Variants in DTNBP1 observed in about 807,000 individuals in gnomAD.
DTNBP1 encodes the protein dystrobrevin binding protein 1.
In DTNBP1, 35 loss-of-function variants were observed where a neutral mutation model predicts 42.8. The ratio of observed to expected loss-of-function variants is 0.82; its 90% CI spans 0.63 to 1.09. The LOEUF is 1.09. DTNBP1 is among the 50% of genes least tolerant of loss of function. DTNBP1 has a pLI of 0.00. For missense variants in DTNBP1, 457 were observed against 424.2 expected (o/e 1.08, Z -0.68); for synonymous variants, 171 against 162.2 (o/e 1.05, Z -0.41).
At chr6:15,534,537 G>A (rs180766194) in intron 7 of DTNBP1, among the ~76,000 whole-genome samples, 49 of 151,776 alleles carry the variant, frequency 3.2e-4, no homozygotes, top group African/African-American at 1.1e-3. Context: ...GCAGTCACCT[G>A]TATTCCCAGC....
chr6:15,569,249 T>C lies in DTNBP1; in HGVS notation c.511+23810A>G, dbSNP rs762839972. ...ATCATTTGCATCCCCACTGTTCCTATAGACAGGATCGCTGACATTAGAATC... is the reference window on the plus strand; with the variant it reads ...ATCATTTGCATCCCCACTGTTCCTACAGACAGGATCGCTGACATTAGAATC... On this transcript the variant is annotated intron_variant, in intron 7 of 9. Transcript: ENST00000344537. Among the ~76,000 whole-genome samples the C allele has an allele frequency of 4.6e-5, 7 of 152,138 alleles. 1 individual carries two copies. The highest frequency in any genetic ancestry group is 4.1e-4 in the South Asian group (2 of 4,830).
At chr6:15,574,692 G>GGGA (rs996974622) in intron 7 of DTNBP1, among the ~76,000 whole-genome samples, 5 of 152,102 alleles carry the variant, frequency 3.3e-5, no homozygotes, top group African/African-American at 9.7e-5. Context: ...ACTTTTGTGG[G>GGGA]GGAGGAGGAG....
chr6:15,524,207 C>G (rs1365012581), intron 9 of DTNBP1: 4 of 1,509,002 alleles, frequency 2.7e-6, no homozygotes, highest in South Asian at 1.2e-5. Flanking sequence ...CCTGCAAACG[C>G]CAGTCCTTAA....
At chr6:15,580,303 T>C (rs1327831181) in intron 7 of DTNBP1, among the ~76,000 whole-genome samples, 1 of 152,226 alleles carries the variant, frequency 6.6e-6, no homozygotes, top group Non-Finnish European at 1.5e-5. Flanking sequence ...GGTGAGGGTC[T>C]ATGAAATAGA....
intron 9 of DTNBP1, chr6:15,523,467 G>T: frequency 3.1e-6 from 4 of 1,288,278 alleles, no homozygotes; most frequent in Non-Finnish European, 4.0e-6. Flanking sequence ...CAGATCAAGT[G>T]CTCCTAAGGC....
chr6:15,628,519 C>T (rs972971632), intron 4 of DTNBP1, among the ~76,000 whole-genome samples: 8 of 150,128 alleles, frequency 5.3e-5, no homozygotes. Context: ...GATTCTCCTG[C>T]CTCAGACTCC....
At chr6:15,530,645 C>A (rs1438854421) in intron 8 of DTNBP1, among the ~76,000 whole-genome samples, 2 of 152,056 alleles carry the variant, frequency 1.3e-5, no homozygotes, top group African/African-American at 2.4e-5. Flanking sequence ...GCCGGCCACG[C>A]GTCTACTACT....
intron 5 of DTNBP1, among the ~76,000 whole-genome samples, chr6:15,626,432 G>A (rs926936326): frequency 3.3e-5 from 5 of 152,160 alleles, no homozygotes; most frequent in African/African-American, 1.2e-4. Flanking sequence ...AATCAGTCAT[G>A]TTTTGCTTTG....
intron 6 of DTNBP1, among the ~76,000 whole-genome samples, chr6:15,613,381 T>G (rs1178854097): frequency 7.3e-6 from 1 of 137,284 alleles, no homozygotes; most frequent in Non-Finnish European, 1.6e-5. Flanking sequence ...TTTTTTTTTT[T>G]TTTGAGACGG....
intron 7 of DTNBP1, chr6:15,546,054 C>A (rs1206582269): frequency 1.4e-5 from 6 of 436,842 alleles, no homozygotes; most frequent in Admixed American, 2.7e-5. Context: ...CGGAAGGTCA[C>A]CTCCAGTTCT....
At chr6:15,552,422 T>C (rs547111686) in intron 7 of DTNBP1, among the ~76,000 whole-genome samples, 7 of 152,264 alleles carry the variant, frequency 4.6e-5, no homozygotes, top group African/African-American at 1.4e-4. Context: ...ACCTATAAGC[T>C]GATATTATTT....
chr6:15,641,270 C>A (rs543877388), intron 3 of DTNBP1, among the ~76,000 whole-genome samples: 1 of 152,198 alleles, frequency 6.6e-6, no homozygotes, highest in South Asian at 2.1e-4. Flanking sequence ...TATCAAAAGC[C>A]AGTTTTTCTC....
At chr6:15,537,427 T>C (rs1271256669) in intron 7 of DTNBP1, among the ~76,000 whole-genome samples, 1 of 145,124 alleles carries the variant, frequency 6.9e-6, no homozygotes, top group African/African-American at 2.6e-5. Flanking sequence ...AGACTGCATC[T>C]CAAAAAAAAA....
At chr6:15,556,304 C>T (rs995286409) in intron 7 of DTNBP1, among the ~76,000 whole-genome samples, 3 of 151,950 alleles carry the variant, frequency 2.0e-5, no homozygotes, top group Non-Finnish European at 4.4e-5. Flanking sequence ...GCCCCAGCCT[C>T]CTGAGTAGCT....
At chr6:15,557,246 A>ATTT (rs34529397) in intron 7 of DTNBP1, among the ~76,000 whole-genome samples, 2 of 135,076 alleles carry the variant, frequency 1.5e-5, no homozygotes, top group African/African-American at 2.7e-5. Context: ...GGGGGTGGGA[A>ATTT]TTTTTTTTTT....
At chr6:15,636,469 C>T (rs77925261) in intron 4 of DTNBP1, among the ~76,000 whole-genome samples, 26 of 152,198 alleles carry the variant, frequency 1.7e-4, no homozygotes, top group Non-Finnish European at 2.8e-4. Context: ...CATTTCTTAA[C>T]TTAGAGGTTC....
At chr6:15,617,842 G>A (rs1453383553) in intron 5 of DTNBP1, among the ~76,000 whole-genome samples, 1 of 151,982 alleles carries the variant, frequency 6.6e-6, no homozygotes, top group Non-Finnish European at 1.5e-5. Context: ...AAGACCTCAA[G>A]ACACAAGCGA....
intron 7 of DTNBP1, among the ~76,000 whole-genome samples, chr6:15,580,166 G>C (rs774196520): frequency 6.6e-6 from 1 of 152,076 alleles, no homozygotes; most frequent in Non-Finnish European, 1.5e-5. Flanking sequence ...AAAGCAGCCA[G>C]AAGCAAAAAC....
intron 4 of DTNBP1, 95 bp from the exon 5 acceptor site, chr6:15,627,570 C>A (rs1759424279): frequency 6.5e-7 from 1 of 1,527,964 alleles, no homozygotes; most frequent in Non-Finnish European, 8.9e-7. Flanking sequence ...TCTTTAACAA[C>A]CCCTCTACTC....
Sources: gnomAD v4.1 joint callset for allele counts (sites outside exome capture counted in the v4.1 genomes callset) on GRCh38, gnomAD v4.1.1 for gene constraint, MANE v1.5 for transcripts, NCBI Gene and HGNC (gene_info 2026-07-23, HGNC 2026-07-21) for gene names.